ANO1: variants seen among roughly 807,000 people sequenced by gnomAD.
ANO1 encodes anoctamin-1.
ANO1 carries 59 observed loss-of-function variants against 124.0 expected under a neutral mutation model. That is an observed-to-expected ratio of 0.48 (90% CI 0.39 to 0.59). The LOEUF (loss-of-function observed/expected upper bound fraction) is 0.59. Ranked by LOEUF, ANO1 falls within the 20% of genes least tolerant of loss-of-function variation. The pLI is 0.00. For synonymous variants in ANO1, 529 were observed against 532.0 expected, an observed-to-expected ratio of 0.99 and a Z score of 0.08; for missense variants, 1,059 against 1,328.0, an observed-to-expected ratio of 0.80 and a Z score of 3.15.
intron 5 of ANO1, among the ~76,000 whole-genome samples, chr11:70,107,881 T>C (rs2045621339): frequency 6.6e-6 from 1 of 152,138 alleles, no homozygotes; most frequent in African/African-American, 2.4e-5. Flanking sequence ...GGGGAATGGA[T>C]CCCAAGGCCC....
intron 12 of ANO1, among the ~76,000 whole-genome samples, chr11:70,150,660 A>G (rs2047566873): frequency 6.6e-6 from 1 of 152,130 alleles, no homozygotes; most frequent in Non-Finnish European, 1.5e-5. Context: ...TCAGCCTCCC[A>G]AGTAGCTGGG....
At chr11:70,180,445 A>C (rs2048887140) in intron 23 of ANO1, among the ~76,000 whole-genome samples, 2 of 152,026 alleles carry the variant, frequency 1.3e-5, no homozygotes, top group Admixed American at 6.6e-5. Context: ...GCTAACTTTT[A>C]TATTTTTAGT....
At chr11:70,001,449 G>T (rs544741369) in intron 1 of ANO1, among the ~76,000 whole-genome samples, 1 of 152,254 alleles carries the variant, frequency 6.6e-6, no homozygotes, top group East Asian at 1.9e-4. Flanking sequence ...CACGAGGATG[G>T]ATGACTATCC....
intron 1 of ANO1, among the ~76,000 whole-genome samples, chr11:69,988,811 C>T (rs72931796): frequency 0.14 from 21,710 of 152,134 alleles, 1,642 homozygotes; most frequent in African/African-American, 0.17. Context: ...CACTCCTGCA[C>T]AACCCTCAAA....
chr11:70,143,145 G>C (rs2047219935), intron 11 of ANO1, among the ~76,000 whole-genome samples: 1 of 152,170 alleles, frequency 6.6e-6, no homozygotes, highest in Admixed American at 6.5e-5. Flanking sequence ...GTGGGCTCAG[G>C]GGTGGAGGGC....
the ANO1 span, among the ~76,000 whole-genome samples, chr11:69,969,248 A>G: frequency 6.6e-6 from 1 of 152,136 alleles, no homozygotes; most frequent in African/African-American, 2.4e-5. Context: ...GCCCCAGGGA[A>G]TCTCCTTCGG....
chr11:70,173,228 T>C lies in ANO1; in HGVS notation c.2350+2189T>C, dbSNP rs557628556. ...TCACCCGGCAGCTTCACATTTGCACTGCGTAAGGCCCTGGCTTTGAAAGGG... is the reference window on the plus strand; with the variant it reads ...TCACCCGGCAGCTTCACATTTGCACCGCGTAAGGCCCTGGCTTTGAAAGGG... On this transcript the variant is annotated intron_variant, in intron 22 of 25. Transcript: ENST00000355303. 1.0e-3 allele frequency among the ~76,000 whole-genome samples: 152 copies of C among 152,288 alleles called. 1 individual carries two copies. In the South Asian group the frequency reaches 0.018, roughly 19 times the overall value.
intron 25 of ANO1, among the ~76,000 whole-genome samples, chr11:70,186,897 C>A (rs563597185): frequency 6.6e-6 from 1 of 152,154 alleles, no homozygotes. Context: ...GGCTGGGTTC[C>A]GCAGACCAGA....
At chr11:70,052,791 A>T (rs1857373768) in intron 1 of ANO1, among the ~76,000 whole-genome samples, 1 of 151,780 alleles carries the variant, frequency 6.6e-6, no homozygotes, top group South Asian at 2.1e-4. Context: ...CTGACCTCAG[A>T]TGATCCACCC....
chr11:69,966,737 G>T, the ANO1 span, among the ~76,000 whole-genome samples: 1 of 152,206 alleles, frequency 6.6e-6, no homozygotes, highest in Non-Finnish European at 1.5e-5. Context: ...CACCCAGCCT[G>T]CCCCCTGGGA....
chr11:70,038,408 G>A (rs782243305), intron 1 of ANO1, among the ~76,000 whole-genome samples: 1 of 152,180 alleles, frequency 6.6e-6, no homozygotes, highest in Non-Finnish European at 1.5e-5. Flanking sequence ...ATTGCATCAG[G>A]TTACAAAGAT....
intron 1 of ANO1, among the ~76,000 whole-genome samples, chr11:70,070,652 G>A (rs1467301157): frequency 6.6e-6 from 1 of 152,224 alleles, no homozygotes; most frequent in Non-Finnish European, 1.5e-5. Context: ...CTCCAGCCTG[G>A]GCGACAGAGT....
At chr11:69,981,108 A>G (rs1855956369), upstream of ANO1, among the ~76,000 whole-genome samples, 1 of 152,220 alleles carries the variant, frequency 6.6e-6, no homozygotes, top group Admixed American at 6.5e-5. Context: ...GGGTTAAAGA[A>G]AAATATGAAG....
At chr11:69,970,354 G>C in the ANO1 span, among the ~76,000 whole-genome samples, 1 of 152,174 alleles carries the variant, frequency 6.6e-6, no homozygotes, top group Non-Finnish European at 1.5e-5. Context: ...ACGGGGAACA[G>C]CAGCCCCCGG....
At chr11:70,014,539 T>TG in intron 1 of ANO1, among the ~76,000 whole-genome samples, 1 of 152,240 alleles carries the variant, frequency 6.6e-6, no homozygotes, top group African/African-American at 2.4e-5. Flanking sequence ...ACACGTGGCC[T>TG]GCCCAGGCTG....
chr11:70,048,304 A>G (rs1036949987), intron 1 of ANO1, among the ~76,000 whole-genome samples: 2 of 152,152 alleles, frequency 1.3e-5, no homozygotes, highest in African/African-American at 4.8e-5. Context: ...TCTATCAGAT[A>G]TTTATCAGAT....
At chr11:70,135,879 G>A (rs1381022320) in intron 11 of ANO1, among the ~76,000 whole-genome samples, 3 of 152,206 alleles carry the variant, frequency 2.0e-5, no homozygotes, top group South Asian at 2.1e-4. Context: ...AGCCCAAAGC[G>A]CTACGTGGCA....
At chr11:70,144,375 G>A (rs184563411) in intron 11 of ANO1, among the ~76,000 whole-genome samples, 4 of 152,186 alleles carry the variant, frequency 2.6e-5, no homozygotes, top group Non-Finnish European at 5.9e-5. Flanking sequence ...AGCACCGCTT[G>A]TGGATGAAGT....
intron 21 of ANO1, chr11:70,170,311 A>T (rs10793024): frequency 0.76 from 274,624 of 360,956 alleles, 105,101 homozygotes; most frequent in East Asian, 0.84. Context: ...ATGATTTTTT[A>T]AAATTTGACA....
Sources: allele counts gnomAD v4.1 joint callset (sites outside exome capture counted in the v4.1 genomes callset), GRCh38; gene constraint gnomAD v4.1.1; transcripts MANE v1.5; gene names NCBI Gene and HGNC (gene_info 2026-07-23, HGNC 2026-07-21).